Variants in COL5A3 observed in about 807,000 individuals in gnomAD.
COL5A3 encodes collagen alpha-3(V) chain.
A neutral mutation model predicts 250.0 loss-of-function variants in COL5A3; 172 were observed. That is an observed-to-expected ratio of 0.69 (90% CI 0.61 to 0.78). The LOEUF (loss-of-function observed/expected upper bound fraction) is 0.78, where lower values mean the gene tolerates loss of function less well. COL5A3 is among the 30% of genes least tolerant of loss of function. The pLI, the probability that COL5A3 is intolerant of heterozygous loss-of-function variation, is 0.00. For missense variants in COL5A3, 2,340 were observed against 2,334.4 expected, an observed-to-expected ratio of 1.00 and a Z score of -0.05; for synonymous variants, 937 against 900.4, an observed-to-expected ratio of 1.04 and a Z score of -0.73.
chr19:9,986,220 C>T lies in COL5A3; in HGVS notation c.2352+95G>A, dbSNP rs951356253. The T allele has an allele frequency of 1.3e-5, 11 of 853,752 alleles. No homozygotes were observed. The African/African-American group carries it at 1.9e-4, about 14-fold the overall frequency. The allele number at this position is 853,752 out of a possible 1,614,324, so 52.9% of individuals were successfully genotyped here. On this transcript the variant is annotated intron_variant, in intron 30 of 66. Transcript: ENST00000264828. ...AAGATGACAAGGTTGGTAGCAACCT[C>T]CTGAGGTCGAAGGTATAATAAAAGG...
chr19:9,980,953 C>T, intron 33 of COL5A3, 94 bp from the exon 34 acceptor site: 1 of 1,493,828 alleles, frequency 6.7e-7, no homozygotes, highest in Non-Finnish European at 9.2e-7. Flanking sequence ...CCTTGTGACT[C>T]CCTCTCCTGC....
At chr19:9,996,861 T>A (rs1599222821) in intron 11 of COL5A3, 172 bp from the exon 12 acceptor site, 7 of 542,396 alleles carry the variant, frequency 1.3e-5, no homozygotes, top group East Asian at 3.2e-5. Context: ...TAGAGAGAAG[T>A]GGAAAGGAAA....
At chr19:10,002,945 G>A (rs956556131) in intron 6 of COL5A3, among the ~76,000 whole-genome samples, 2 of 151,920 alleles carry the variant, frequency 1.3e-5, no homozygotes, top group Admixed American at 6.6e-5. Context: ...CCCAGTCATT[G>A]ACCCCAAACT....
At chr19:9,966,051 C>T (rs1351760280) in intron 64 of COL5A3, among the ~76,000 whole-genome samples, 1 of 152,032 alleles carries the variant, frequency 6.6e-6, no homozygotes, top group African/African-American at 2.4e-5. Context: ...AGGCTGGTCT[C>T]GAACTCCTGA....
At chr19:9,992,088 A>G in intron 21 of COL5A3, 40 bp from the exon 22 acceptor site, 2 of 1,595,078 alleles carry the variant, frequency 1.3e-6, no homozygotes, top group Non-Finnish European at 1.7e-6. Context: ...CAGAGCAACA[A>G]GCTGGGAGCC....
chr19:10,002,068 C>A (rs2087371553), intron 6 of COL5A3, among the ~76,000 whole-genome samples, 187 bp from the exon 7 acceptor site: 1 of 152,152 alleles, frequency 6.6e-6, no homozygotes, highest in South Asian at 2.1e-4. Context: ...GCAGAGGGAG[C>A]CACCGTGGAT....
In COL5A3 at chr19:9,991,664, G is replaced by GA. The variant is rs772613016; in HGVS notation, c.1948-11dup. ...GGGGACCGGGGAGTCCCTGGAGACAGAAAAAGAAGATGAGAGAAGGCATAA... is the reference window on the plus strand; with the variant it reads ...GGGGACCGGGGAGTCCCTGGAGACAGAAAAAAGAAGATGAGAGAAGGCATAA... On this transcript the variant is annotated splice_polypyrimidine_tract_variant and intron_variant, in intron 23 of 66. Transcript: ENST00000264828. The GA allele has an allele frequency of 1.2e-6, 2 of 1,612,868 alleles. No individual in the cohort carries two copies. The highest frequency in any genetic ancestry group is 4.5e-5 in the East Asian group (2 of 44,858).
chr19:9,999,469 C>CTTTTTTTTTTTTT (rs530527039), intron 8 of COL5A3, among the ~76,000 whole-genome samples: 4 of 120,400 alleles, frequency 3.3e-5, no homozygotes, highest in African/African-American at 1.0e-4. Context: ...TTTCTTTTTT[C>CTTTTTTTTTTTTT]TTTTTTTTTT....
At chr19:9,981,948 C>A (rs2087017141) in intron 32 of COL5A3, 117 bp downstream of exon 32, 1 of 793,956 alleles carries the variant, frequency 1.3e-6, no homozygotes, top group East Asian at 2.5e-5. Context: ...TGTGTGCACA[C>A]AAATGTTCCA....
At chr19:9,972,523 T>C (rs533616591) in intron 51 of COL5A3, among the ~76,000 whole-genome samples, 3 of 152,326 alleles carry the variant, frequency 2.0e-5, no homozygotes, top group East Asian at 3.9e-4. Flanking sequence ...AATTAGAGGA[T>C]GCAATCCCTG....
rs560190759 is a variant in COL5A3 at position 9,993,160 on chromosome 19, G to T, written c.1750-93C>A. 5.6e-5 allele frequency: 76 copies of T among 1,367,496 alleles called. 1 individual carries two copies. The South Asian group carries it at 7.7e-4, about 14-fold the overall frequency. 84.7% of individuals were successfully genotyped at this position (1,367,496 alleles called of 1,614,324 possible). A position where few individuals can be genotyped will look rare whatever the true frequency, so the allele number is the denominator to read the frequency against. On this transcript the variant is annotated intron_variant, in intron 19 of 66. Coordinates refer to ENST00000264828, the MANE Select transcript of COL5A3 (RefSeq NM_015719.4). ...GGGCAGCCCCTTCCAGGGGGTCTCG[G>T]AATTAGACCAGGATCCCTGGGAACC...
chr19:10,009,344 T>C lies in COL5A3; in HGVS notation c.88+954A>G, dbSNP rs1182692110. ...CCGAAGCGCCCCCCACTCTGAACCC[T>C]GAGGGGCGGGACAGGGCGCCCAGCC... On this transcript the variant is annotated intron_variant, in intron 1 of 66. Transcript: ENST00000264828. This position sits in a 1 kb window ranked among gnomAD's most constrained non-coding sequence, Gnocchi z 4.4. 6.6e-6 allele frequency among the ~76,000 whole-genome samples: 1 copy of C among 151,940 alleles called. No homozygotes were observed. The highest frequency in any genetic ancestry group is 2.4e-5 in the African/African-American group (1 of 41,352).
chr19:10,009,416 C>A lies in COL5A3; in HGVS notation c.88+882G>T, dbSNP rs1286481539. On this transcript the variant is annotated intron_variant, in intron 1 of 66. Coordinates refer to ENST00000264828, the MANE Select transcript of COL5A3 (RefSeq NM_015719.4). This position sits in a 1 kb window ranked among gnomAD's most constrained non-coding sequence, Gnocchi z 4.4. ...CGTCAGCGCTGACTCACCCATCCGG[C>A]GGCCCCCGGGACCCCTTGGGGGCTC... Among the ~76,000 whole-genome samples the A allele has an allele frequency of 1.3e-5, 2 of 150,736 alleles. No individual in the cohort carries two copies. Among genetic ancestry groups the A allele is most frequent in the African/African-American group, 2.4e-5 (1 of 41,318 alleles).
chr19:9,996,092 CT>C lies in COL5A3; in HGVS notation c.1506del (p.Gly503GlufsTer116). On this transcript the variant is annotated frameshift_variant, in exon 15 of 67. Coordinates refer to ENST00000264828, the MANE Select transcript of COL5A3 (RefSeq NM_015719.4). LOFTEE classifies it high-confidence loss of function. ...TGTGGCCCTTCTGCTCCCTCCTCTCCTTTCAGACCTGGATGCCCGGGGAGAC... is the reference window on the plus strand; with the variant it reads ...TGTGGCCCTTCTGCTCCCTCCTCTCCTTCAGACCTGGATGCCCGGGGAGAC... ...PVGLPGHPGLKGEEGAEGPQG... is the reference protein window; with the variant it reads ...PVGLPGHPGLXGEEGAEGPQG... 6.3e-7 allele frequency: 1 copy of C among 1,584,410 alleles called. No individual in the cohort carries two copies. The highest frequency in any genetic ancestry group is 1.2e-5 in the South Asian group (1 of 86,224).
At chr19:9,974,144 C>A in intron 47 of COL5A3, 27 bp downstream of exon 47, 11 of 1,609,620 alleles carry the variant, frequency 6.8e-6, no homozygotes, top group African/African-American at 5.3e-5. Flanking sequence ...CATCCTCCCC[C>A]TCCCACCTTC....
intron 30 of COL5A3, 79 bp downstream of exon 30, chr19:9,986,229 GAAGGTAT>G: frequency 1.1e-6 from 1 of 939,332 alleles, no homozygotes; most frequent in South Asian, 1.6e-5. Flanking sequence ...TCCTGAGGTC[GAAGGTAT>G]AATAAAAGGG....
Position 10,007,845 on chromosome 19 carries a change from A to T in COL5A3, c.89-1614T>A, listed in dbSNP as rs1370723644. The stretch of plus-strand genomic sequence containing the variant: ...TTGCCTCCAATCTCCTTCTCTCCCC[A>T]TCCCTGCCCGCCCTCTCTCTGTCCC... On this transcript the variant is annotated intron_variant, in intron 1 of 66. Transcript: ENST00000264828. Among the ~76,000 whole-genome samples, 3 of 146,258 alleles carry T rather than the reference A, an allele frequency of 2.1e-5. No individual in the cohort carries two copies. The East Asian group carries it at 6.2e-4, about 30-fold the overall frequency.
chr19:10,001,438 C>A, intron 8 of COL5A3, 86 bp downstream of exon 8: 1 of 1,383,074 alleles, frequency 7.2e-7, no homozygotes, highest in Middle Eastern at 2.0e-4. Flanking sequence ...GGAGCCACTG[C>A]GCCCTGCCTA....
intron 1 of COL5A3, among the ~76,000 whole-genome samples, 161 bp from the exon 2 acceptor site, chr19:10,006,392 C>G (rs948664848): frequency 6.6e-6 from 1 of 152,058 alleles, no homozygotes; most frequent in African/African-American, 2.4e-5. Context: ...CCTGGGCCCC[C>G]AGCACCCCCC....
Sources: allele counts gnomAD v4.1 joint callset (sites outside exome capture counted in the v4.1 genomes callset), GRCh38; gene constraint gnomAD v4.1.1; non-coding constraint Gnocchi (gnomAD v3.1); transcripts MANE v1.5; gene names NCBI Gene and HGNC (gene_info 2026-07-23, HGNC 2026-07-21).